PPM1L: variants seen among roughly 807,000 people sequenced by gnomAD.
PPM1L encodes protein phosphatase 1L.
In PPM1L, 13 loss-of-function variants were observed where a neutral mutation model predicts 31.4. That is an observed-to-expected ratio of 0.41 (90% CI 0.27 to 0.66). PPM1L has a LOEUF of 0.66. PPM1L is among the 30% of genes least tolerant of loss of function. The probability of loss-of-function intolerance (pLI) is 0.29; values close to 1 mark genes in which losing one functional copy is unlikely to be tolerated. For missense variants in PPM1L, 326 were observed against 453.7 expected (o/e 0.72, Z 2.56); for synonymous variants, 184 against 175.4 (o/e 1.05, Z -0.39).
chr3:160,956,950 A>G (rs375390740), intron 1 of PPM1L, among the ~76,000 whole-genome samples: 6 of 152,240 alleles, frequency 3.9e-5, no homozygotes, highest in African/African-American at 1.2e-4. Flanking sequence ...GGGGGAACAC[A>G]ATAGTGTGTA....
chr3:160,968,901 C>T (rs1716237272), intron 2 of PPM1L, among the ~76,000 whole-genome samples: 1 of 152,218 alleles, frequency 6.6e-6, no homozygotes, highest in Admixed American at 6.5e-5. Context: ...CTCAGACCAG[C>T]AAGGGCTTTC....
intron 1 of PPM1L, among the ~76,000 whole-genome samples, chr3:160,864,977 C>G (rs551736878): frequency 1.3e-5 from 2 of 152,100 alleles, no homozygotes; most frequent in Non-Finnish European, 2.9e-5. Context: ...GAATTCAAAC[C>G]ACTGAGGAAG....
At chr3:160,876,283 A>C (rs769372653) in intron 1 of PPM1L, among the ~76,000 whole-genome samples, 17 of 152,160 alleles carry the variant, frequency 1.1e-4, no homozygotes, top group Non-Finnish European at 2.1e-4. Flanking sequence ...TCTGAGGGAA[A>C]AACTTGAAGA....
At chr3:160,997,442 G>A (rs150366837) in intron 2 of PPM1L, among the ~76,000 whole-genome samples, 1 of 152,292 alleles carries the variant, frequency 6.6e-6, no homozygotes, top group Non-Finnish European at 1.5e-5. Context: ...TTAGTAAAAG[G>A]GAGAAGGATA....
intron 1 of PPM1L, among the ~76,000 whole-genome samples, chr3:160,785,832 GT>G (rs75150439): frequency 0.061 from 7,278 of 120,070 alleles, 214 homozygotes; most frequent in Middle Eastern, 0.15. Flanking sequence ...GCGGTGCACT[GT>G]TTTTTTTTTT....
At chr3:161,033,440 A>G (rs1373762863) in intron 2 of PPM1L, among the ~76,000 whole-genome samples, 1 of 152,220 alleles carries the variant, frequency 6.6e-6, no homozygotes, top group Non-Finnish European at 1.5e-5. Flanking sequence ...ACTTCAAACT[A>G]TACTACAAGG....
intron 1 of PPM1L, among the ~76,000 whole-genome samples, chr3:160,834,465 ATGTGTATGTGTGTG>A (rs1367637808): frequency 1.9e-4 from 22 of 115,504 alleles, no homozygotes; most frequent in African/African-American, 7.2e-4. Context: ...GCATTTGTGT[ATGTGTATGTGTGTG>A]TGTGTGTGTG....
intron 1 of PPM1L, among the ~76,000 whole-genome samples, chr3:160,786,946 A>G (rs559965757): frequency 6.6e-6 from 1 of 152,132 alleles, no homozygotes; most frequent in African/African-American, 2.4e-5. Context: ...TTTATTTTTT[A>G]TGACTGTATA....
At chr3:160,901,572 T>C (rs1172816964) in intron 1 of PPM1L, among the ~76,000 whole-genome samples, 3 of 152,138 alleles carry the variant, frequency 2.0e-5, no homozygotes, top group Non-Finnish European at 4.4e-5. Context: ...CTGTTTCTTC[T>C]ATCTGAATGC....
intron 1 of PPM1L, among the ~76,000 whole-genome samples, chr3:160,807,118 A>ATC (rs1009401943): frequency 6.6e-6 from 1 of 152,174 alleles, no homozygotes; most frequent in African/African-American, 2.4e-5. Flanking sequence ...GGTCTAGGAC[A>ATC]TGTAGGATTA....
At chr3:160,835,433 T>G (rs116717131) in intron 1 of PPM1L, among the ~76,000 whole-genome samples, 1,957 of 152,204 alleles carry the variant, frequency 0.013, 45 homozygotes, top group African/African-American at 0.045. Flanking sequence ...AACTAAATTT[T>G]TTTACTTGTG....
chr3:161,037,708 G>A (rs1364076156), intron 2 of PPM1L, among the ~76,000 whole-genome samples: 3 of 149,876 alleles, frequency 2.0e-5, no homozygotes, highest in African/African-American at 2.5e-5. Context: ...CTGGGATTAC[G>A]GGCGTGAGCC....
intron 1 of PPM1L, among the ~76,000 whole-genome samples, chr3:160,934,624 A>T (rs1192025791): frequency 6.6e-6 from 1 of 152,092 alleles, no homozygotes; most frequent in Non-Finnish European, 1.5e-5. Flanking sequence ...AGCTTGGTGA[A>T]CTTTTTTTTT....
intron 1 of PPM1L, among the ~76,000 whole-genome samples, chr3:160,860,287 G>A (rs1216130439): frequency 6.6e-6 from 1 of 152,092 alleles, no homozygotes; most frequent in Non-Finnish European, 1.5e-5. Context: ...CCCACAACCA[G>A]TACAAACTCC....
At position 161,072,847 on chromosome 3, in the gene PPM1L, T is replaced by C. The variant is rs1159353402; in HGVS notation, c.*3690T>C. 2 of 152,240 alleles carry C rather than the reference T, an allele frequency of 1.3e-5. No individual in the cohort carries two copies. The highest frequency in any genetic ancestry group is 2.4e-5 in the African/African-American group (1 of 41,458). 9.4% of individuals were successfully genotyped at this position (152,240 alleles called of 1,614,324 possible). On this transcript the variant is annotated 3_prime_UTR_variant, in exon 4 of 4. Transcript: ENST00000498165. ...GGAATATATACTTTGTATAAAACTT[T>C]TCCAATGATTTCAGAAATTCTTTTT... is the stretch of plus-strand genomic sequence containing the variant.
rs114393627 is a variant in PPM1L at position 160,850,194 on chromosome 3, A to G, written c.399+93487A>G. Among the ~76,000 whole-genome samples, 535 of 152,286 alleles carry G rather than the reference A, an allele frequency of 3.5e-3. 2 individuals are homozygous for G. The highest frequency in any genetic ancestry group is 5.2e-3 in the Non-Finnish European group (352 of 68,020). On this transcript the variant is annotated intron_variant, in intron 1 of 3. Coordinates refer to ENST00000498165, the MANE Select transcript of PPM1L (RefSeq NM_139245.4). ...CAGAACACAGGGAAACACTTTACTTATGTTTACCTGTTTAATACAAAGGAT... is the reference window on the plus strand; with the variant it reads ...CAGAACACAGGGAAACACTTTACTTGTGTTTACCTGTTTAATACAAAGGAT...
chr3:161,042,847 C>T (rs1718949865), intron 2 of PPM1L, among the ~76,000 whole-genome samples: 2 of 151,686 alleles, frequency 1.3e-5, no homozygotes, highest in Non-Finnish European at 1.5e-5. Flanking sequence ...GGTGAAACCC[C>T]GTCTCTACTA....
chr3:161,032,821 TAGCTGGGATTAC>T (rs1718613678), intron 2 of PPM1L, among the ~76,000 whole-genome samples: 1 of 151,110 alleles, frequency 6.6e-6, no homozygotes, highest in Admixed American at 6.6e-5. Context: ...GCCTCCTGAG[TAGCTGGGATTAC>T]AGATGTGCAT....
At chr3:160,759,308 C>T (rs1714902890) in intron 1 of PPM1L, among the ~76,000 whole-genome samples, 1 of 152,198 alleles carries the variant, frequency 6.6e-6, no homozygotes, top group African/African-American at 2.4e-5. Flanking sequence ...GATAGACCAT[C>T]AAAAACTAGG....
Sources: gnomAD v4.1 joint callset for allele counts (sites outside exome capture counted in the v4.1 genomes callset) on GRCh38, gnomAD v4.1.1 for gene constraint, MANE v1.5 for transcripts, NCBI Gene and HGNC (gene_info 2026-07-23, HGNC 2026-07-21) for gene names.